PEAK1: variants seen among roughly 807,000 people sequenced by gnomAD.
The protein encoded by PEAK1 is pseudopodium enriched atypical kinase 1, also known as inactive tyrosine-protein kinase PEAK1.
In PEAK1, 54 loss-of-function variants were observed where a neutral mutation model predicts 124.7. The ratio of observed to expected loss-of-function variants is 0.43; its 90% CI spans 0.35 to 0.54. The LOEUF is 0.54. Among genes scored for constraint, PEAK1 ranks in the 20% least tolerant of loss-of-function variants. The pLI, the probability that PEAK1 is intolerant of heterozygous loss-of-function variation, is 0.01. For synonymous variants in PEAK1, 719 were observed against 760.0 expected, an observed-to-expected ratio of 0.95 and a Z score of 0.89; for missense variants, 2,046 against 2,134.5, an observed-to-expected ratio of 0.96 and a Z score of 0.82.
At chr15:77,352,167 G>T (rs2067248504) in intron 2 of PEAK1, 1 of 964,800 alleles carries the variant, frequency 1.0e-6, no homozygotes, top group East Asian at 1.1e-4. Context: ...GATCACCACT[G>T]CACTGCAGCC....
At chr15:77,407,830 G>A (rs749997043) in intron 1 of PEAK1, among the ~76,000 whole-genome samples, 5 of 151,270 alleles carry the variant, frequency 3.3e-5, no homozygotes, top group African/African-American at 9.7e-5. Context: ...AGTACAATTC[G>A]CAATTGCAAA....
At chr15:77,105,436 TC>T (rs1402623804), downstream of PEAK1, 1 of 152,208 alleles carries the variant, frequency 6.6e-6, no homozygotes, top group East Asian at 1.9e-4. Context: ...AAAGCCTATT[TC>T]CTTTTAGAGG....
At chr15:77,124,943 T>C (rs2052245869) in intron 9 of PEAK1, among the ~76,000 whole-genome samples, 1 of 152,256 alleles carries the variant, frequency 6.6e-6, no homozygotes, top group African/African-American at 2.4e-5. Context: ...TTAATCTTCA[T>C]TTATCTTTAC....
intron 1 of PEAK1, among the ~76,000 whole-genome samples, chr15:77,384,586 G>C (rs1466949995): frequency 6.6e-6 from 1 of 152,206 alleles, no homozygotes; most frequent in African/African-American, 2.4e-5. Context: ...TTTGGAAACA[G>C]AACTCCTTGT....
At chr15:77,415,022 C>A (rs1393362884) in intron 1 of PEAK1, among the ~76,000 whole-genome samples, 1 of 152,196 alleles carries the variant, frequency 6.6e-6, no homozygotes, top group African/African-American at 2.4e-5. Flanking sequence ...AGAATTTAAA[C>A]CCAAGCTGTT....
intron 1 of PEAK1, among the ~76,000 whole-genome samples, chr15:77,372,975 C>T (rs1282774633): frequency 6.6e-6 from 1 of 152,144 alleles, no homozygotes; most frequent in Non-Finnish European, 1.5e-5. Context: ...CTATACAACC[C>T]GAGGAACCAT....
At chr15:77,210,453 A>G (rs2058852025) in intron 6 of PEAK1, among the ~76,000 whole-genome samples, 1 of 152,242 alleles carries the variant, frequency 6.6e-6, no homozygotes, top group Non-Finnish European at 1.5e-5. Context: ...TCAAGACTCT[A>G]CACTGATTTT....
At chr15:77,334,274 AG>A in intron 2 of PEAK1, 1 of 984,972 alleles carries the variant, frequency 1.0e-6, no homozygotes, top group East Asian at 1.1e-4. Context: ...ATTTTCTGGT[AG>A]ATCACTTGTG....
intron 1 of PEAK1, among the ~76,000 whole-genome samples, chr15:77,383,154 G>A (rs2069629606): frequency 6.6e-6 from 1 of 151,664 alleles, no homozygotes; most frequent in African/African-American, 2.4e-5. Flanking sequence ...CTCCCGAGTA[G>A]CTGGGATTAC....
chr15:77,411,149 TAA>T (rs34437015), intron 1 of PEAK1, among the ~76,000 whole-genome samples: 9 of 142,826 alleles, frequency 6.3e-5, no homozygotes, highest in Non-Finnish European at 9.2e-5. Context: ...AAGAAATAGT[TAA>T]AAAAAAAAAA....
At chr15:77,214,109 C>T (rs926530999) in intron 6 of PEAK1, among the ~76,000 whole-genome samples, 1 of 152,130 alleles carries the variant, frequency 6.6e-6, no homozygotes, top group Non-Finnish European at 1.5e-5. Flanking sequence ...ATCATTATTT[C>T]GCTCCTTTTT....
chr15:77,102,198 C>A (rs1036512584), exon 7 of PEAK1: 4 of 152,090 alleles, frequency 2.6e-5, no homozygotes, highest in Admixed American at 6.5e-5. Context: ...TCTCTTGTTT[C>A]TAGAAAGCTT....
chr15:77,352,325 C>T, intron 2 of PEAK1: 2 of 985,370 alleles, frequency 2.0e-6, no homozygotes, highest in Non-Finnish European at 2.4e-6. Flanking sequence ...AAGTGCCTTA[C>T]TCGATCTATC....
chr15:77,310,413 T>A (rs1013474466), intron 2 of PEAK1, among the ~76,000 whole-genome samples: 1 of 152,114 alleles, frequency 6.6e-6, no homozygotes, highest in African/African-American at 2.4e-5. Flanking sequence ...AGGTTTCATA[T>A]CAAAGCACAA....
At chr15:77,348,676 C>T in intron 2 of PEAK1, 3 of 985,256 alleles carry the variant, frequency 3.0e-6, no homozygotes, top group Non-Finnish European at 3.6e-6. Flanking sequence ...AATTGATGTC[C>T]ATGATAAAAT....
At chr15:77,418,080 A>C (rs1238380551) in intron 1 of PEAK1, 1 of 984,034 alleles carries the variant, frequency 1.0e-6, no homozygotes, top group Non-Finnish European at 1.2e-6. Flanking sequence ...TTCAGGGTAG[A>C]CTCTTAAAAA....
chr15:77,414,980 A>G (rs1420609834), intron 1 of PEAK1, among the ~76,000 whole-genome samples: 4 of 152,366 alleles, frequency 2.6e-5, no homozygotes, highest in Admixed American at 2.0e-4. Flanking sequence ...TACCAAACAG[A>G]TATCTACAAA....
chr15:77,347,197 T>C, intron 2 of PEAK1: 3 of 976,452 alleles, frequency 3.1e-6, no homozygotes, highest in Non-Finnish European at 3.7e-6. Context: ...CGGCAGAAGA[T>C]AAGATCTCTT....
chr15:77,387,519 C>A (rs1284871027), intron 1 of PEAK1, among the ~76,000 whole-genome samples: 1 of 152,208 alleles, frequency 6.6e-6, no homozygotes, highest in African/African-American at 2.4e-5. Context: ...TTTATGACAA[C>A]CCTAACTAAT....
Sources: gnomAD v4.1 joint callset for allele counts (sites outside exome capture counted in the v4.1 genomes callset) on GRCh38, gnomAD v4.1.1 for gene constraint, MANE v1.5 for transcripts, NCBI Gene and HGNC (gene_info 2026-07-23, HGNC 2026-07-21) for gene names.